SDK1: variants seen among roughly 807,000 people sequenced by gnomAD.
The protein encoded by SDK1 is protein sidekick-1.
SDK1 carries 157 observed loss-of-function variants against 245.5 expected under a neutral mutation model. That is an observed-to-expected ratio of 0.64 (90% CI 0.56 to 0.73). The LOEUF (loss-of-function observed/expected upper bound fraction) is 0.73. Ranked by LOEUF, SDK1 falls within the 30% of genes least tolerant of loss-of-function variation. The pLI, the probability that SDK1 is intolerant of heterozygous loss-of-function variation, is 0.00. For synonymous variants in SDK1, 1,647 were observed against 1,278.5 expected, an observed-to-expected ratio of 1.29 and a Z score of -6.15; for missense variants, 3,583 against 3,002.3, an observed-to-expected ratio of 1.19 and a Z score of -4.52.
intron 1 of SDK1, among the ~76,000 whole-genome samples, chr7:3,376,172 G>A (rs760723551): frequency 1.4e-4 from 21 of 152,082 alleles, no homozygotes; most frequent in Non-Finnish European, 1.9e-4. Flanking sequence ...ACTCCAGCCC[G>A]GGTGACAGAG....
At chr7:3,752,169 A>G (rs1446218876) in intron 4 of SDK1, among the ~76,000 whole-genome samples, 1 of 152,180 alleles carries the variant, frequency 6.6e-6, no homozygotes, top group Non-Finnish European at 1.5e-5. Flanking sequence ...GTGAGCCTGA[A>G]ATTGGCTCTG....
chr7:3,928,989 ACT>A (rs899420955), intron 5 of SDK1, among the ~76,000 whole-genome samples: 12 of 152,188 alleles, frequency 7.9e-5, no homozygotes, highest in African/African-American at 2.9e-4. Flanking sequence ...ACTAGACCCA[ACT>A]CTCTGCCCTG....
intron 5 of SDK1, among the ~76,000 whole-genome samples, chr7:3,824,355 A>T (rs1365828306): frequency 1.3e-5 from 2 of 152,208 alleles, no homozygotes; most frequent in Admixed American, 1.3e-4. Flanking sequence ...TATTACAGCC[A>T]ATTATCATTT....
At chr7:3,912,875 A>C (rs1191930953) in intron 5 of SDK1, among the ~76,000 whole-genome samples, 2 of 151,890 alleles carry the variant, frequency 1.3e-5, no homozygotes, top group Non-Finnish European at 2.9e-5. Flanking sequence ...AACCAAAAAA[A>C]AGTGCAGTGA....
intron 1 of SDK1, among the ~76,000 whole-genome samples, chr7:3,339,122 A>T (rs903841396): frequency 3.3e-5 from 5 of 152,204 alleles, no homozygotes; most frequent in African/African-American, 1.2e-4. Context: ...GATATGCCAT[A>T]CAAACATGAA....
chr7:3,659,445 C>A (rs568550650), intron 4 of SDK1, among the ~76,000 whole-genome samples: 12 of 152,150 alleles, frequency 7.9e-5, no homozygotes, highest in Non-Finnish European at 1.3e-4. Flanking sequence ...AAGGAGCCAG[C>A]GACTTGAAGA....
At chr7:3,348,624 C>T (rs963079805) in intron 1 of SDK1, among the ~76,000 whole-genome samples, 2 of 152,118 alleles carry the variant, frequency 1.3e-5, no homozygotes, top group South Asian at 2.1e-4. Context: ...GCTATGGGCT[C>T]GTCTGCACCC....
At chr7:3,318,295 G>T (rs554519727) in intron 1 of SDK1, among the ~76,000 whole-genome samples, 1 of 152,270 alleles carries the variant, frequency 6.6e-6, no homozygotes, top group East Asian at 1.9e-4. Context: ...ATGAGTCGTA[G>T]AGCTGGATTC....
At chr7:3,771,652 A>T (rs1464157963) in intron 4 of SDK1, among the ~76,000 whole-genome samples, 1 of 151,860 alleles carries the variant, frequency 6.6e-6, no homozygotes, top group Non-Finnish European at 1.5e-5. Context: ...AGAAATTGTT[A>T]TTTTTTTCCA....
intron 9 of SDK1, among the ~76,000 whole-genome samples, chr7:3,966,394 C>A (rs562451562): frequency 6.6e-6 from 1 of 152,072 alleles, no homozygotes; most frequent in Non-Finnish European, 1.5e-5. Flanking sequence ...CACTGTTGTA[C>A]GGGGGGTTCC....
chr7:4,052,171 C>A (rs1443402598), intron 19 of SDK1, among the ~76,000 whole-genome samples: 2 of 73,896 alleles, frequency 2.7e-5, no homozygotes, highest in African/African-American at 5.9e-4. Context: ...TCCATGATCC[C>A]CCCCCCCCCG....
intron 4 of SDK1, among the ~76,000 whole-genome samples, chr7:3,734,960 C>G (rs1313648993): frequency 6.6e-6 from 1 of 152,078 alleles, no homozygotes; most frequent in Non-Finnish European, 1.5e-5. Flanking sequence ...TTCATTCTCC[C>G]GACGTGCACA....
intron 4 of SDK1, among the ~76,000 whole-genome samples, chr7:3,788,352 GTT>G (rs1459800004): frequency 1.3e-5 from 2 of 152,204 alleles, no homozygotes; most frequent in African/African-American, 4.8e-5. Context: ...TCCACAAGGA[GTT>G]TGAGAAATGC....
chr7:3,357,328 GTTTTTTTTTTTTTTTTTTTTTT>G lies in SDK1; in HGVS notation c.298+55462_298+55483del, dbSNP rs560124026. 1.2e-3 allele frequency among the ~76,000 whole-genome samples: 63 copies of G among 52,950 alleles called. No homozygotes were observed. The East Asian group carries it at 0.019, about 16-fold the overall frequency. The allele number at this position is 52,950 out of a possible 152,430, so 34.7% of individuals were successfully genotyped here. A position where few individuals can be genotyped will look rare whatever the true frequency, so the allele number is the denominator to read the frequency against. On this transcript the variant is annotated intron_variant, in intron 1 of 44. Transcript: ENST00000404826. ...TTACTCTTGCTCCCCTTCTTTTAGT[GTTTTTTTTTTTTTTTTTTTTTT>G]TTTTTTTTTTTTTTTTTGAGGCAGG...
intron 1 of SDK1, among the ~76,000 whole-genome samples, chr7:3,461,754 A>G (rs1324068013): frequency 2.0e-5 from 3 of 152,094 alleles, no homozygotes; most frequent in African/African-American, 7.2e-5. Context: ...TCAATATCCA[A>G]CTTACAGAAA....
intron 22 of SDK1, among the ~76,000 whole-genome samples, chr7:4,081,653 C>T (rs1047288849): frequency 4.6e-5 from 7 of 151,926 alleles, no homozygotes; most frequent in Admixed American, 2.6e-4. Flanking sequence ...CTCCTGACCT[C>T]GTGATCCGCC....
intron 26 of SDK1, chr7:4,129,592 C>G: frequency 2.9e-6 from 3 of 1,034,006 alleles, no homozygotes; most frequent in Non-Finnish European, 3.8e-6. Context: ...TGTTCATAAT[C>G]GAGTCTTTGT....
intron 4 of SDK1, among the ~76,000 whole-genome samples, chr7:3,805,386 C>T (rs2115040117): frequency 6.6e-6 from 1 of 152,302 alleles, no homozygotes; most frequent in Middle Eastern, 3.4e-3. Flanking sequence ...GCTCAAATTG[C>T]CCCTTTCTTG....
In SDK1 at chr7:4,209,408, C is replaced by T. The variant is rs565306966; in HGVS notation, c.5402-617C>T. ...AGCCCCAGTACACGCCCACCTTACA[C>T]GGCGCCCGGGCAGAGGGGGAGCTGC... On this transcript the variant is annotated intron_variant, in intron 37 of 44. Transcript: ENST00000404826. 2.6e-4 allele frequency among the ~76,000 whole-genome samples: 40 copies of T among 152,318 alleles called. No homozygotes were observed. In the East Asian group the frequency reaches 6.6e-3, roughly 25 times the overall value.
Sources: allele counts gnomAD v4.1 joint callset (sites outside exome capture counted in the v4.1 genomes callset), GRCh38; gene constraint gnomAD v4.1.1; transcripts MANE v1.5; gene names NCBI Gene and HGNC (gene_info 2026-07-23, HGNC 2026-07-21).